PIK3C2B: variants seen among roughly 807,000 people sequenced by gnomAD.
PIK3C2B encodes phosphatidylinositol-4-phosphate 3-kinase catalytic subunit type 2 beta.
In PIK3C2B, 83 loss-of-function variants were observed where a neutral mutation model predicts 184.3. The ratio of observed to expected loss-of-function variants is 0.45; its 90% CI spans 0.38 to 0.54. PIK3C2B has a LOEUF of 0.54. Among genes scored for constraint, PIK3C2B ranks in the 20% least tolerant of loss-of-function variants. PIK3C2B has a pLI of 0.00. For synonymous variants in PIK3C2B, 779 were observed against 837.6 expected, an observed-to-expected ratio of 0.93 and a Z score of 1.21; for missense variants, 1,736 against 2,113.5, an observed-to-expected ratio of 0.82 and a Z score of 3.50.
intron 19 of PIK3C2B, among the ~76,000 whole-genome samples, 165 bp from the exon 20 acceptor site, chr1:204,442,798 C>T (rs1675741401): frequency 6.6e-6 from 1 of 152,180 alleles, no homozygotes; most frequent in South Asian, 2.1e-4. Context: ...CCCCTACACC[C>T]CAGCCTGGGA....
At chr1:204,434,049 G>A (rs1675214264) in intron 24 of PIK3C2B, 100 bp from the exon 25 acceptor site, 2 of 902,500 alleles carry the variant, frequency 2.2e-6, no homozygotes, top group Non-Finnish European at 3.6e-6. Flanking sequence ...CTCATCACGT[G>A]GACACACTGG....
chr1:204,474,739 T>C (rs760819067), intron 1 of PIK3C2B, among the ~76,000 whole-genome samples: 2 of 152,080 alleles, frequency 1.3e-5, no homozygotes, highest in Non-Finnish European at 2.9e-5. Flanking sequence ...TACTCACATG[T>C]TGATGATTCC....
rs1572329496 is a variant in PIK3C2B, at chr1:204,449,357, G to T, written c.2235-61C>A. ...TGGCTAAGCAGAGAATATTTCTACT[G>T]CTCCCCCAATCCAAAAATCTGCCTT... is the stretch of plus-strand genomic sequence containing the variant. On this transcript the variant is annotated intron_variant, in intron 13 of 32. Coordinates refer to ENST00000684373, the MANE Select transcript of PIK3C2B (RefSeq NM_001377334.1). The T allele has an allele frequency of 6.4e-6, 8 of 1,256,038 alleles. No homozygotes were observed. In the East Asian group the frequency reaches 1.7e-4, roughly 27 times the overall value. The allele number at this position is 1,256,038 out of a possible 1,614,324, so 77.8% of individuals were successfully genotyped here. A position where few individuals can be genotyped will look rare whatever the true frequency, so the allele number is the denominator to read the frequency against.
chr1:204,427,587 CA>C, intron 31 of PIK3C2B, 60 bp downstream of exon 31: 2 of 1,174,932 alleles, frequency 1.7e-6, no homozygotes, highest in Non-Finnish European at 2.5e-6. Context: ...AAGGTCTGCC[CA>C]AAAAAGTAGC....
intron 1 of PIK3C2B, among the ~76,000 whole-genome samples, chr1:204,477,435 C>T (rs77602506): frequency 3.9e-5 from 6 of 152,324 alleles, no homozygotes; most frequent in East Asian, 3.9e-4. Context: ...CCAAGCAGGT[C>T]GGTGCCAGGG....
At chr1:204,480,992 T>C (rs1345874678) in intron 1 of PIK3C2B, among the ~76,000 whole-genome samples, 1 of 152,016 alleles carries the variant, frequency 6.6e-6, no homozygotes, top group African/African-American at 2.4e-5. Context: ...CCTAATAGAT[T>C]ACAGTCACTC....
intron 18 of PIK3C2B, 92 bp downstream of exon 18, chr1:204,443,976 A>C: frequency 1.1e-6 from 1 of 896,416 alleles, no homozygotes; most frequent in Admixed American, 1.8e-5. Flanking sequence ...AAGCCCGGAC[A>C]ACTCAGTTCC....
At chr1:204,483,198 G>A (rs770890035) in intron 1 of PIK3C2B, among the ~76,000 whole-genome samples, 4 of 152,092 alleles carry the variant, frequency 2.6e-5, no homozygotes, top group Non-Finnish European at 2.9e-5. Flanking sequence ...AAAGCAGGAC[G>A]ATCGCTTGAG....
intron 28 of PIK3C2B, among the ~76,000 whole-genome samples, chr1:204,430,293 T>C (rs1222026754): frequency 6.6e-6 from 1 of 151,914 alleles, no homozygotes; most frequent in East Asian, 1.9e-4. Flanking sequence ...GCCAGAGTCC[T>C]GTGGCTCCCC....
At chr1:204,493,268 G>A (rs1658127937) in intron 1 of PIK3C2B, among the ~76,000 whole-genome samples, 1 of 152,146 alleles carries the variant, frequency 6.6e-6, no homozygotes, top group Non-Finnish European at 1.5e-5. Flanking sequence ...AAGGAGGAGG[G>A]GCAGCATTGG....
intron 28 of PIK3C2B, 98 bp downstream of exon 28, chr1:204,431,571 A>G: frequency 6.9e-7 from 1 of 1,445,030 alleles, no homozygotes; most frequent in East Asian, 2.3e-5. Context: ...TTAGTCCAAA[A>G]GGGTATTTTC....
intron 14 of PIK3C2B, among the ~76,000 whole-genome samples, chr1:204,448,633 CAA>C (rs11455070): frequency 0.66 from 80,929 of 122,422 alleles, 27,259 homozygotes; most frequent in Non-Finnish European, 0.78. Context: ...GATCCTGTCT[CAA>C]AAAAAAAAAA....
At chr1:204,478,384 G>A (rs1489607133) in intron 1 of PIK3C2B, among the ~76,000 whole-genome samples, 1 of 152,106 alleles carries the variant, frequency 6.6e-6, no homozygotes, top group African/African-American at 2.4e-5. Flanking sequence ...ACACTGCCAG[G>A]AATCCGACTC....
chr1:204,465,166 C>CCACCCCAA, intron 3 of PIK3C2B, 53 bp downstream of exon 3: 1 of 752,510 alleles, frequency 1.3e-6, no homozygotes, highest in Non-Finnish European at 2.4e-6. Context: ...GGATGGCCCC[C>CCACCCCAA]CTCCCCATCC....
chr1:204,469,294 G>T lies in PIK3C2B; in HGVS notation c.509C>A (p.Pro170His). The T allele has an allele frequency of 6.5e-7, 1 of 1,542,896 alleles. No individual in the cohort carries two copies. The highest frequency in any genetic ancestry group is 8.7e-7 in the Non-Finnish European group (1 of 1,145,406). The change falls in exon 2 of 33, where the codon CCC becomes CAC. Residue 170 changes from proline to histidine, a missense_variant. This residue lies in a region of PIK3C2B where 404 missense variants were observed against 418.0 expected (regional missense o/e 0.97). Coordinates refer to ENST00000684373, the MANE Select transcript of PIK3C2B (RefSeq NM_001377334.1). ...GGGGGACCCCTTTCTGGGAGGCAGG[G>T]GAGGGGTATCCCAGATAGAAGCTCG... is the stretch of plus-strand genomic sequence containing the variant. ...PPRASIWDTP[P>H]LPPRKGSPSS...
chr1:204,475,554 G>A (rs572470893), intron 1 of PIK3C2B, among the ~76,000 whole-genome samples: 2 of 152,232 alleles, frequency 1.3e-5, no homozygotes, highest in East Asian at 3.9e-4. Context: ...GTATCCTTCA[G>A]ACACAGGACT....
intron 31 of PIK3C2B, among the ~76,000 whole-genome samples, chr1:204,427,205 A>G (rs1284883299): frequency 6.6e-6 from 1 of 152,148 alleles, no homozygotes; most frequent in African/African-American, 2.4e-5. Context: ...AAAATTTAGT[A>G]ATTATCTACT....
chr1:204,430,080 A>C (rs1674961728), intron 28 of PIK3C2B, 42 bp from the exon 29 acceptor site: 2 of 1,274,244 alleles, frequency 1.6e-6, no homozygotes, highest in Non-Finnish European at 2.3e-6. Flanking sequence ...GGAGGTGAAG[A>C]TGGGGAAAGA....
chr1:204,442,557 G>A lies in PIK3C2B; in HGVS notation c.3125C>T (p.Pro1042Leu). The change falls in exon 20 of 33, where the codon CCC becomes CTC. Residue 1042 changes from proline (P) to leucine (L), a missense_variant. Physicochemically the swap from Pro to Leu is moderately conservative, Grantham distance 98. Around this residue, in one of 8 missense-constraint regions of PIK3C2B, gnomAD observed 289 missense variants for 380.4 expected, o/e 0.76. Transcript: ENST00000684373. ...LNGSCRLPLS[P>L]SLLVKGIVPR... ...CACAATTCCCTTAACCAGCAGACTGGGGCTGAGTGGCAAGCGGCACGAGCC... is the reference window on the plus strand; with the variant it reads ...CACAATTCCCTTAACCAGCAGACTGAGGCTGAGTGGCAAGCGGCACGAGCC... The A allele has an allele frequency of 6.4e-7, 1 of 1,555,370 alleles. No homozygotes were observed. Among genetic ancestry groups the A allele is most frequent in the Non-Finnish European group, 8.7e-7 (1 of 1,149,044 alleles).
Sources: allele counts gnomAD v4.1 joint callset (sites outside exome capture counted in the v4.1 genomes callset), GRCh38; gene constraint gnomAD v4.1.1; regional missense constraint gnomAD v4.1.1; transcripts MANE v1.5; gene names NCBI Gene and HGNC (gene_info 2026-07-23, HGNC 2026-07-21).